DNAJC1: variants seen among roughly 807,000 people sequenced by gnomAD.
DNAJC1 encodes the protein DnaJ heat shock protein family (Hsp40) member C1.
Under a neutral mutation model 76.6 loss-of-function variants are expected in DNAJC1, and 58 were observed. That is an observed-to-expected ratio of 0.76 (90% CI 0.61 to 0.94). The LOEUF is 0.94. DNAJC1 is among the 40% of genes least tolerant of loss of function. The probability of loss-of-function intolerance (pLI) is 0.00; values close to 1 mark genes in which losing one functional copy is unlikely to be tolerated. For missense variants in DNAJC1, 689 were observed against 677.3 expected (o/e 1.02, Z -0.19); for synonymous variants, 258 against 267.9 (o/e 0.96, Z 0.36).
intron 1 of DNAJC1, among the ~76,000 whole-genome samples, chr10:21,947,350 G>T (rs1174561521): frequency 6.6e-6 from 1 of 152,082 alleles, no homozygotes; most frequent in Admixed American, 6.6e-5. Flanking sequence ...AAGTATGCCT[G>T]CCTCTCCTGA....
intron 1 of DNAJC1, among the ~76,000 whole-genome samples, chr10:21,973,390 A>C (rs1004149082): frequency 1.3e-5 from 2 of 152,240 alleles, no homozygotes; most frequent in African/African-American, 4.8e-5. Flanking sequence ...CTGAAGGTAC[A>C]TAACCAATGA....
At chr10:21,926,738 T>C (rs920436785) in intron 3 of DNAJC1, among the ~76,000 whole-genome samples, 8 of 152,216 alleles carry the variant, frequency 5.3e-5, no homozygotes, top group Non-Finnish European at 1.2e-4. Context: ...AAAGAGTTAC[T>C]TGTGCCTCAA....
intron 8 of DNAJC1, among the ~76,000 whole-genome samples, chr10:21,838,744 G>T (rs977170693): frequency 6.6e-6 from 1 of 152,140 alleles, no homozygotes; most frequent in Admixed American, 6.5e-5. Context: ...TCTTCAACAA[G>T]CAGACCTAAC....
chr10:21,931,930 G>A (rs186033813), intron 1 of DNAJC1, among the ~76,000 whole-genome samples: 1 of 152,228 alleles, frequency 6.6e-6, no homozygotes, highest in African/African-American at 2.4e-5. Flanking sequence ...TTCTAAATGT[G>A]ATATGGCTCT....
chr10:21,968,364 G>A (rs1312165295), intron 1 of DNAJC1, among the ~76,000 whole-genome samples: 1 of 152,070 alleles, frequency 6.6e-6, no homozygotes, highest in Admixed American at 6.5e-5. Flanking sequence ...TCATAGGTGA[G>A]AAAACTAAGG....
At chr10:21,967,365 T>G (rs1837910918) in intron 1 of DNAJC1, among the ~76,000 whole-genome samples, 1 of 152,188 alleles carries the variant, frequency 6.6e-6, no homozygotes, top group Non-Finnish European at 1.5e-5. Flanking sequence ...ATGTATCAGT[T>G]CTTCCCTTTT....
At chr10:21,976,198 C>A (rs1233215282) in intron 1 of DNAJC1, among the ~76,000 whole-genome samples, 3 of 152,148 alleles carry the variant, frequency 2.0e-5, no homozygotes, top group Non-Finnish European at 4.4e-5. Flanking sequence ...AAAATACAGT[C>A]ATGTATCTTC....
chr10:21,877,562 A>G (rs755952561), intron 8 of DNAJC1, among the ~76,000 whole-genome samples: 4 of 152,188 alleles, frequency 2.6e-5, no homozygotes, highest in East Asian at 1.9e-4. Flanking sequence ...TCCAATAACC[A>G]TAAGAAAAGG....
chr10:21,967,962 T>C (rs142420728), intron 1 of DNAJC1, among the ~76,000 whole-genome samples: 1 of 152,352 alleles, frequency 6.6e-6, no homozygotes, highest in East Asian at 1.9e-4. Flanking sequence ...CATATATCTA[T>C]ACAACTTATT....
intron 1 of DNAJC1, among the ~76,000 whole-genome samples, chr10:21,991,543 C>T (rs1281761461): frequency 1.3e-5 from 2 of 152,080 alleles, no homozygotes; most frequent in East Asian, 3.8e-4. Context: ...AACAAAACAA[C>T]AAAAGCTACA....
chr10:21,906,472 GT>G (rs977458380), intron 6 of DNAJC1, among the ~76,000 whole-genome samples: 4 of 152,170 alleles, frequency 2.6e-5, no homozygotes, highest in Non-Finnish European at 5.9e-5. Context: ...CACAGAGTAG[GT>G]TTTAATAGTA....
At chr10:21,962,664 T>G (rs1564839517) in intron 1 of DNAJC1, among the ~76,000 whole-genome samples, 1 of 148,952 alleles carries the variant, frequency 6.7e-6, no homozygotes, top group African/African-American at 2.5e-5. Context: ...TTTTTTTTTT[T>G]GTAGAGACAG....
chr10:21,777,618 C>A lies in DNAJC1; in HGVS notation c.1099-11309G>T, dbSNP rs182559645. On this transcript the variant is annotated intron_variant, in intron 9 of 11. Coordinates refer to ENST00000376980, the MANE Select transcript of DNAJC1 (RefSeq NM_022365.4). The stretch of plus-strand genomic sequence containing the variant: ...TTTCACTTTGAAGATATTATCAGAT[C>A]AAGGTATGACAAAGAACAGTGCTGC... 3.9e-5 allele frequency among the ~76,000 whole-genome samples: 6 copies of A among 152,276 alleles called. No individual in the cohort carries two copies. In the East Asian group the frequency reaches 1.2e-3, roughly 29 times the overall value.
chr10:21,756,806 G>C, intron 11 of DNAJC1, 51 bp from the exon 12 acceptor site: 1 of 1,564,664 alleles, frequency 6.4e-7, no homozygotes, highest in Non-Finnish European at 8.7e-7. Context: ...ACAAGTCAGT[G>C]TGGTCATCAT....
chr10:21,766,719 C>T (rs1382586472), intron 9 of DNAJC1, among the ~76,000 whole-genome samples: 1 of 152,032 alleles, frequency 6.6e-6, no homozygotes, highest in African/African-American at 2.4e-5. Flanking sequence ...GCCTGCAATC[C>T]TAGCACTTTG....
At chr10:21,958,580 C>T (rs926014394) in intron 1 of DNAJC1, among the ~76,000 whole-genome samples, 6 of 152,074 alleles carry the variant, frequency 3.9e-5, no homozygotes, top group African/African-American at 1.2e-4. Context: ...GTGCGTGCCA[C>T]CACGCCCAGC....
chr10:21,854,948 C>T (rs1056216441), intron 8 of DNAJC1, among the ~76,000 whole-genome samples: 6 of 152,052 alleles, frequency 3.9e-5, no homozygotes, highest in East Asian at 1.9e-4. Context: ...ATACAGTCTT[C>T]GATATTACGA....
intron 8 of DNAJC1, among the ~76,000 whole-genome samples, chr10:21,837,940 A>G (rs1835496554): frequency 1.4e-5 from 2 of 143,910 alleles, no homozygotes; most frequent in South Asian, 4.4e-4. Flanking sequence ...CCGCCCGGCC[A>G]GCCGCCCCGG....
chr10:21,759,260 C>T lies in DNAJC1; in HGVS notation c.1506G>A (p.Gln502=), dbSNP rs1430431311. 6.2e-7 allele frequency: 1 copy of T among 1,614,220 alleles called. No homozygotes were observed. Among genetic ancestry groups the T allele is most frequent in the Non-Finnish European group, 8.5e-7 (1 of 1,180,032 alleles). Residue 502 remains glutamine, a synonymous_variant, in exon 11 of 12, where the codon CAG becomes CAA. Coordinates refer to ENST00000376980, the MANE Select transcript of DNAJC1 (RefSeq NM_022365.4). The stretch of plus-strand genomic sequence containing the variant: ...GCTGCAACGCCAGTTCCAGAAGTTT[C>T]TGTTGATTTTGAGTCCACGGCTCCT... ...SAEEPWTQNQ[Q]KLLELALQQY...
Sources: allele counts gnomAD v4.1 joint callset (sites outside exome capture counted in the v4.1 genomes callset), GRCh38; gene constraint gnomAD v4.1.1; transcripts MANE v1.5; gene names NCBI Gene and HGNC (gene_info 2026-07-23, HGNC 2026-07-21).